Variants in LARP1 observed in about 807,000 individuals in gnomAD.
The protein encoded by LARP1 is La ribonucleoprotein 1, translational regulator, also known as la-related protein 1.
LARP1 carries 36 observed loss-of-function variants against 122.7 expected under a neutral mutation model. The observed-to-expected ratio is 0.29, with a 90% CI of 0.22 to 0.39. The LOEUF (loss-of-function observed/expected upper bound fraction) is 0.39, where lower values mean the gene tolerates loss of function less well. Ranked by LOEUF, LARP1 falls within the 10% of genes least tolerant of loss-of-function variation. LARP1 has a pLI of 1.00. For missense variants in LARP1, 1,040 were observed against 1,403.6 expected, an observed-to-expected ratio of 0.74 and a Z score of 4.14; for synonymous variants, 539 against 528.7, an observed-to-expected ratio of 1.02 and a Z score of -0.27.
intron 1 of LARP1, among the ~76,000 whole-genome samples, chr5:154,700,244 A>G (rs1206469388): frequency 6.6e-6 from 1 of 152,260 alleles, no homozygotes; most frequent in Non-Finnish European, 1.5e-5. Flanking sequence ...AAGCAGGATC[A>G]GTAGTTCTAA....
upstream of LARP1, among the ~76,000 whole-genome samples, chr5:154,709,267 A>G (rs541445790): frequency 2.0e-5 from 3 of 152,316 alleles, no homozygotes; most frequent in East Asian, 5.8e-4. Flanking sequence ...GACACATTTG[A>G]TGAAGTGGTG....
chr5:154,771,635 G>A (rs1755435422), intron 1 of LARP1, among the ~76,000 whole-genome samples: 1 of 152,224 alleles, frequency 6.6e-6, no homozygotes, highest in Non-Finnish European at 1.5e-5. Flanking sequence ...TATCTGTATA[G>A]GGCTGTTACG....
chr5:154,703,622 A>AT (rs1312209900), intron 1 of LARP1, among the ~76,000 whole-genome samples: 6 of 151,874 alleles, frequency 4.0e-5, no homozygotes, highest in Non-Finnish European at 5.9e-5. Context: ...TCTAAAAAAC[A>AT]TTTTTTTGTT....
Position 154,742,868 on chromosome 5 carries a change from A to C in LARP1, c.205+29738A>C, listed in dbSNP as rs1048416233. Among the ~76,000 whole-genome samples the C allele has an allele frequency of 2.0e-5, 3 of 152,196 alleles. No homozygotes were observed. The East Asian group carries it at 5.8e-4, about 29-fold the overall frequency. ...AAGGAACTTTTCTTGGTCTCCTAGG[A>C]AGTAGCAATAGAGCCAGAACTGGAA... On this transcript the variant is annotated intron_variant, in intron 1 of 18. Coordinates refer to the LARP1 transcript ENST00000336314.
chr5:154,732,693 T>A (rs1756659883), intron 1 of LARP1, among the ~76,000 whole-genome samples: 1 of 152,186 alleles, frequency 6.6e-6, no homozygotes, highest in Admixed American at 6.5e-5. Context: ...CTATAGGAAA[T>A]CTTCTTAATT....
chr5:154,803,589 C>T lies in LARP1; in HGVS notation c.2283C>T (p.Ser761=), dbSNP rs751850093. Residue 761 remains serine (S), a synonymous_variant, in exon 13 of 19, where the codon TCC becomes TCT. Coordinates refer to ENST00000518297, the MANE Select transcript of LARP1 (RefSeq NM_033551.3). This position sits in a 1 kb window ranked among gnomAD's most constrained non-coding sequence, Gnocchi z 4.4. ...ANKLFGAPEP[S]TIARSLPTTV... is the part of the protein sequence containing the mutation. ...AGTTGTTTGGTGCTCCTGAGCCCTCCACCATCGCCCGCTCTCTACCAACCA... is the reference window on the plus strand; with the variant it reads ...AGTTGTTTGGTGCTCCTGAGCCCTCTACCATCGCCCGCTCTCTACCAACCA... The T allele has an allele frequency of 6.2e-6, 10 of 1,614,186 alleles. No homozygotes were observed. Among genetic ancestry groups the T allele is most frequent in the Non-Finnish European group, 7.6e-6 (9 of 1,180,042 alleles).
upstream of LARP1, among the ~76,000 whole-genome samples, chr5:154,710,986 A>G (rs1331721707): frequency 6.6e-6 from 1 of 152,156 alleles, no homozygotes; most frequent in Non-Finnish European, 1.5e-5. Context: ...TTTAAAAATC[A>G]GAGTAAAAAA....
chr5:154,687,765 T>TTCAAGAC (rs1247945816), intron 1 of LARP1, among the ~76,000 whole-genome samples: 1 of 142,142 alleles, frequency 7.0e-6, no homozygotes, highest in Non-Finnish European at 1.5e-5. Flanking sequence ...AGGCTAGGAG[T>TTCAAGAC]TCAAGACCAG....
Position 154,731,382 on chromosome 5 carries a change from G to C in LARP1, c.205+18252G>C, listed in dbSNP as rs149566405. On this transcript the variant is annotated intron_variant, in intron 1 of 18. Transcript: ENST00000336314. Reference sequence around the variant, plus strand: ...TAATCCTATTGATCTTTAAAGTCCTGTTCAAATGTCACTTCCTCCAAGAGC... The same window carrying C: ...TAATCCTATTGATCTTTAAAGTCCTCTTCAAATGTCACTTCCTCCAAGAGC... Among the ~76,000 whole-genome samples the C allele has an allele frequency of 3.3e-5, 5 of 152,294 alleles. No individual in the cohort carries two copies. In the East Asian group the frequency reaches 9.7e-4, roughly 29 times the overall value.
intron 10 of LARP1, 89 bp downstream of exon 10, chr5:154,800,131 C>G: frequency 1.7e-6 from 2 of 1,198,254 alleles, no homozygotes; most frequent in Non-Finnish European, 2.4e-6. Flanking sequence ...CACTCTAGCT[C>G]TGAGGGGCCA....
chr5:154,720,932 C>T (rs545193337), intron 1 of LARP1, among the ~76,000 whole-genome samples: 45 of 152,154 alleles, frequency 3.0e-4, no homozygotes, highest in African/African-American at 1.1e-3. Flanking sequence ...AGCAGGAAAA[C>T]CATCCAATCA....
intron 1 of LARP1, among the ~76,000 whole-genome samples, chr5:154,723,141 G>C (rs947808365): frequency 2.0e-5 from 3 of 152,194 alleles, no homozygotes; most frequent in Non-Finnish European, 4.4e-5. Context: ...TCTGGCCTCT[G>C]GACTCTCACC....
chr5:154,797,485 G>T (rs1234811669), intron 8 of LARP1, among the ~76,000 whole-genome samples: 2 of 151,734 alleles, frequency 1.3e-5, no homozygotes, highest in East Asian at 1.9e-4. Flanking sequence ...CACCCACCTC[G>T]GCCTCCCAAA....
chr5:154,816,702 A>G lies in LARP1; in HGVS notation c.*2606A>G, dbSNP rs1759692441. ...CATCAGGGCTAACCACTTCACACCT[A>G]CCATCGTCCCATGGGGATCCAAGAC... On this transcript the variant is annotated 3_prime_UTR_variant, in exon 19 of 19. Transcript: ENST00000518297. 6.6e-6 allele frequency: 1 copy of G among 152,534 alleles called. No homozygotes were observed. The highest frequency in any genetic ancestry group is 2.4e-5 in the African/African-American group (1 of 41,446). The allele number at this position is 152,534 out of a possible 1,614,324, so 9.4% of individuals were successfully genotyped here. A position where few individuals can be genotyped will look rare whatever the true frequency, so the allele number is the denominator to read the frequency against.
chr5:154,755,439 A>C lies in LARP1; in HGVS notation c.-319A>C. On this transcript the variant is annotated 5_prime_UTR_variant, in exon 1 of 19. Coordinates refer to ENST00000518297, the MANE Select transcript of LARP1 (RefSeq NM_033551.3). Reference sequence around the variant, plus strand: ...GCCGCCCCGGGGGCGGGGGGGAGGGAGGGACGGGACTAGAAGCCTGCCGGG... The same window carrying C: ...GCCGCCCCGGGGGCGGGGGGGAGGGCGGGACGGGACTAGAAGCCTGCCGGG... 2.0e-6 allele frequency: 1 copy of C among 510,710 alleles called. No individual in the cohort carries two copies. The highest frequency in any genetic ancestry group is 2.5e-6 in the Non-Finnish European group (1 of 400,114). The allele number at this position is 510,710 out of a possible 1,614,324, so 31.6% of individuals were successfully genotyped here.
rs76940694 is a variant in LARP1, at chr5:154,770,370, C to T, written c.436+14177C>T. Among the ~76,000 whole-genome samples the T allele has an allele frequency of 1.8e-3, 273 of 152,200 alleles. 4 individuals are homozygous for T. The East Asian group carries it at 0.024, about 13-fold the overall frequency. On this transcript the variant is annotated intron_variant, in intron 1 of 18. Transcript: ENST00000518297. ...TGAATTAGTTGCACTATCCCCTGAT[C>T]AGAAGGGTAGTTTAGGCAGGCATTT...
In LARP1 at chr5:154,731,950, A is replaced by G. The variant is rs568632720; in HGVS notation, c.205+18820A>G. Among the ~76,000 whole-genome samples, 3 of 151,938 alleles carry G rather than the reference A, an allele frequency of 2.0e-5. No individual in the cohort carries two copies. The East Asian group carries it at 5.8e-4, about 29-fold the overall frequency. ...GGCAGGAGAATTGCTTGAACCCAGC[A>G]GGCAGAGGTTGCAGTGAGCCGAGAT... On this transcript the variant is annotated intron_variant, in intron 1 of 18. Transcript: ENST00000336314.
Position 154,793,738 on chromosome 5 carries a change from C to G in LARP1, c.868+15C>G. ...AGAGATCAAAGGTATGCACTACCCA[C>G]TATGGAGGGCCTGGACTTGGGAGAC... On this transcript the variant is annotated intron_variant, in intron 5 of 18. Coordinates refer to ENST00000518297, the MANE Select transcript of LARP1 (RefSeq NM_033551.3). 1 of 1,614,160 alleles carries G rather than the reference C, an allele frequency of 6.2e-7. No individual in the cohort carries two copies. Among genetic ancestry groups the G allele is most frequent in the Non-Finnish European group, 8.5e-7 (1 of 1,179,998 alleles).
intron 1 of LARP1, among the ~76,000 whole-genome samples, chr5:154,723,900 C>T (rs908720206): frequency 2.0e-5 from 3 of 152,202 alleles, no homozygotes; most frequent in Non-Finnish European, 4.4e-5. Context: ...CTGATTCTCC[C>T]TCTACTCTGG....
Sources: allele counts gnomAD v4.1 joint callset (sites outside exome capture counted in the v4.1 genomes callset), GRCh38; gene constraint gnomAD v4.1.1; non-coding constraint Gnocchi (gnomAD v3.1); transcripts MANE v1.5; gene names NCBI Gene and HGNC (gene_info 2026-07-23, HGNC 2026-07-21).